Variants in UTRN observed in about 807,000 individuals in gnomAD.
UTRN encodes utrophin.
UTRN carries 283 observed loss-of-function variants against 463.9 expected under a neutral mutation model. That is an observed-to-expected ratio of 0.61 (90% confidence interval 0.55 to 0.67). The LOEUF (loss-of-function observed/expected upper bound fraction) is 0.67. UTRN is among the 30% of genes least tolerant of loss of function. The probability of loss-of-function intolerance (pLI) is 0.00; values close to 1 mark genes in which losing one functional copy is unlikely to be tolerated. For synonymous variants in UTRN, 1,442 were observed against 1,431.5 expected (o/e 1.01, Z -0.17); for missense variants, 3,922 against 4,084.3 (o/e 0.96, Z 1.08).
intron 2 of UTRN, among the ~76,000 whole-genome samples, chr6:144,370,250 T>A (rs1315668338): frequency 1.3e-5 from 2 of 151,504 alleles, no homozygotes; most frequent in Non-Finnish European, 2.9e-5. Flanking sequence ...GAGGGAAAAA[T>A]GGTTTAGTGG....
intron 2 of UTRN, among the ~76,000 whole-genome samples, chr6:144,366,346 C>T (rs1470077009): frequency 6.6e-6 from 1 of 152,018 alleles, no homozygotes; most frequent in Non-Finnish European, 1.5e-5. Context: ...ATTTCATCAC[C>T]CAGGTACTAG....
intron 54 of UTRN, among the ~76,000 whole-genome samples, chr6:144,737,586 G>C (rs1789568632): frequency 6.6e-6 from 1 of 151,934 alleles, no homozygotes; most frequent in African/African-American, 2.4e-5. Flanking sequence ...AAAAAAATAG[G>C]GCTAAATGGG....
Position 144,810,376 on chromosome 6 carries a change from T to C in UTRN, c.9357+7229T>C, listed in dbSNP as rs182109684. On this transcript the variant is annotated intron_variant, in intron 65 of 74. Transcript: ENST00000367545. ...ATACAGCCACAAATGAAAAAGATGTTATAGGAAATGGCATTATCATGGGAG... is the reference window on the plus strand; with the variant it reads ...ATACAGCCACAAATGAAAAAGATGTCATAGGAAATGGCATTATCATGGGAG... Among the ~76,000 whole-genome samples the C allele has an allele frequency of 2.0e-4, 31 of 152,268 alleles. No individual in the cohort carries two copies. In the East Asian group the frequency reaches 4.8e-3, roughly 24 times the overall value.
Position 144,451,263 on chromosome 6 carries a change from G to A in UTRN, c.2073-107G>A, listed in dbSNP as rs552830649. 15 of 1,325,772 alleles carry A rather than the reference G, an allele frequency of 1.1e-5. No homozygotes were observed. In the East Asian group the frequency reaches 3.4e-4, roughly 30 times the overall value. The allele number at this position is 1,325,772 out of a possible 1,614,324, so 82.1% of individuals were successfully genotyped here. On this transcript the variant is annotated intron_variant, in intron 17 of 74. Coordinates refer to ENST00000367545, the MANE Select transcript of UTRN (RefSeq NM_007124.3). ...TTTCTGGGTTGCTGTTTTTGGGGGA[G>A]TGATAAAAAGACATATTCCTGATGA...
intron 32 of UTRN, 52 bp from the exon 33 acceptor site, chr6:144,493,249 G>C: frequency 6.3e-7 from 1 of 1,581,326 alleles, no homozygotes; most frequent in East Asian, 2.2e-5. Flanking sequence ...ATGCCAGTTG[G>C]CAAGTTGTCA....
chr6:144,676,779 T>G (rs1781644680), intron 51 of UTRN, among the ~76,000 whole-genome samples: 1 of 152,210 alleles, frequency 6.6e-6, no homozygotes, highest in Non-Finnish European at 1.5e-5. Context: ...CTTTTAACAT[T>G]TTAGAAATAA....
At chr6:144,519,752 A>G (rs1022817789) in intron 39 of UTRN, among the ~76,000 whole-genome samples, 2 of 152,192 alleles carry the variant, frequency 1.3e-5, no homozygotes, top group African/African-American at 4.8e-5. Flanking sequence ...TGAAAAGAAA[A>G]AGAGGCAGTC....
In UTRN at chr6:144,557,082, G is replaced by T. The variant is rs1056501019; in HGVS notation, c.7135-75G>T. On this transcript the variant is annotated intron_variant, in intron 49 of 74. Coordinates refer to ENST00000367545, the MANE Select transcript of UTRN (RefSeq NM_007124.3). Reference sequence around the variant, plus strand: ...TATCTAAAGCATGTCAAAATCTGCTGGGAGTACCATTGTTTTGATTATACT... The same window carrying T: ...TATCTAAAGCATGTCAAAATCTGCTTGGAGTACCATTGTTTTGATTATACT... The T allele has an allele frequency of 4.0e-6, 6 of 1,508,064 alleles. No homozygotes were observed. In the African/African-American group the frequency reaches 4.2e-5, roughly 11 times the overall value. 93.4% of individuals were successfully genotyped at this position (1,508,064 alleles called of 1,614,324 possible).
chr6:144,426,346 C>A lies in UTRN; in HGVS notation c.465C>A (p.Ile155=), dbSNP rs745370898. 1 of 1,614,140 alleles carries A rather than the reference C, an allele frequency of 6.2e-7. No individual in the cohort carries two copies. The highest frequency in any genetic ancestry group is 8.5e-7 in the Non-Finnish European group (1 of 1,180,012). ...TGCAGCAGACGAACAGTGAGAAGATCCTGCTCAGCTGGGTGCGTCAGACCA... is the reference window on the plus strand; with the variant it reads ...TGCAGCAGACGAACAGTGAGAAGATACTGCTCAGCTGGGTGCGTCAGACCA... ...SDLQQTNSEK[I]LLSWVRQTTR... The change falls in exon 7 of 75, where the codon ATC becomes ATA. Residue 155 remains isoleucine, a synonymous_variant. Transcript: ENST00000367545.
At chr6:144,637,889 T>C (rs1034902799) in intron 51 of UTRN, among the ~76,000 whole-genome samples, 4 of 152,236 alleles carry the variant, frequency 2.6e-5, no homozygotes, top group African/African-American at 9.6e-5. Context: ...TAAAAAAATC[T>C]TTTTAAAAAG....
intron 12 of UTRN, among the ~76,000 whole-genome samples, chr6:144,439,818 C>A (rs1170777288): frequency 6.6e-6 from 1 of 152,120 alleles, no homozygotes; most frequent in African/African-American, 2.4e-5. Context: ...ATTTTCTATA[C>A]ACATGTATCC....
intron 62 of UTRN, among the ~76,000 whole-genome samples, chr6:144,792,411 G>A (rs755268573): frequency 9.9e-5 from 15 of 152,164 alleles, no homozygotes; most frequent in Non-Finnish European, 1.6e-4. Context: ...GCTGGGTGTG[G>A]TGGTGCATGC....
intron 31 of UTRN, 111 bp from the exon 32 acceptor site, chr6:144,490,818 T>C (rs548023442): frequency 8.0e-7 from 1 of 1,254,714 alleles, no homozygotes; most frequent in African/African-American, 1.5e-5. Flanking sequence ...TATTTCTGAA[T>C]TTTTTTCTTT....
intron 5 of UTRN, 101 bp downstream of exon 5, chr6:144,423,727 C>A: frequency 7.3e-7 from 1 of 1,376,378 alleles, no homozygotes; most frequent in Non-Finnish European, 1.0e-6. Flanking sequence ...CTGATTCTTG[C>A]AAACATTTTT....
At chr6:144,676,003 A>G (rs1781553012) in intron 51 of UTRN, among the ~76,000 whole-genome samples, 1 of 152,236 alleles carries the variant, frequency 6.6e-6, no homozygotes, top group African/African-American at 2.4e-5. Flanking sequence ...TAATAATTCT[A>G]ATTTTACTTA....
intron 52 of UTRN, among the ~76,000 whole-genome samples, chr6:144,690,661 G>T (rs1392998604): frequency 6.6e-6 from 1 of 152,132 alleles, no homozygotes; most frequent in East Asian, 1.9e-4. Flanking sequence ...ACAGGATCAG[G>T]AATGACTTCC....
At chr6:144,739,166 T>G (rs1350875471) in intron 54 of UTRN, among the ~76,000 whole-genome samples, 5 of 152,202 alleles carry the variant, frequency 3.3e-5, no homozygotes, top group Non-Finnish European at 7.4e-5. Context: ...AATTTTTAAA[T>G]ATTTCCTGAT....
chr6:144,793,900 A>G lies in UTRN; in HGVS notation c.8987A>G (p.His2996Arg), dbSNP rs146713729. 3.1e-6 allele frequency: 5 copies of G among 1,614,042 alleles called. No individual in the cohort carries two copies. The African/African-American group carries it at 6.7e-5, about 22-fold the overall frequency. ...CAGAGGCAGCTGGGCCTGTTACTTC[A>G]TGATGCCATCCAGATCCCCCGGCAG... ...CDQRQLGLLLHDAIQIPRQLG... is the reference protein window; with the variant it reads ...CDQRQLGLLLRDAIQIPRQLG... The change falls in exon 63 of 75, where the codon CAT (histidine) becomes CGT (arginine). Residue 2996 changes from histidine to arginine, a missense_variant. This residue lies in a region of UTRN where 1,309 missense variants were observed against 1,452.6 expected (regional missense o/e 0.90). Transcript: ENST00000367545.
rs1222970719 is a variant in UTRN, at chr6:144,523,126, T to G, written c.5844T>G (p.Asp1948Glu). Residue 1948 changes from aspartate (D) to glutamate (E), a missense_variant, in exon 41 of 75, where the codon GAT becomes GAG. Transcript: ENST00000367545. ...ASGPEAIQIR[D>E]TLTQLNAKWD... ...GACCTGAAGCCATTCAGATCAGAGA[T>G]ACACTTACTCAGCTGAATGCAAAAT... The G allele has an allele frequency of 6.2e-7, 1 of 1,613,494 alleles. No homozygotes were observed. The highest frequency in any genetic ancestry group is 8.5e-7 in the Non-Finnish European group (1 of 1,179,726).
Sources: allele counts gnomAD v4.1 joint callset (sites outside exome capture counted in the v4.1 genomes callset), GRCh38; gene constraint gnomAD v4.1.1; regional missense constraint gnomAD v4.1.1; transcripts MANE v1.5; gene names NCBI Gene and HGNC (gene_info 2026-07-23, HGNC 2026-07-21).